The following BEND5 variants were observed in gnomAD, a reference collection of about 807,000 sequenced individuals.
BEND5 encodes the protein BEN domain containing 5, also known as BEN domain-containing protein 5.
Under a neutral mutation model 43.9 loss-of-function variants are expected in BEND5, and 22 were observed. The observed-to-expected ratio is 0.50, with a 90% CI of 0.36 to 0.72. BEND5 has a LOEUF of 0.72. Among genes scored for constraint, BEND5 ranks in the 30% least tolerant of loss-of-function variants. BEND5 has a pLI of 0.00. For synonymous variants in BEND5, 228 were observed against 225.9 expected, an observed-to-expected ratio of 1.01 and a Z score of -0.08; for missense variants, 428 against 550.6, an observed-to-expected ratio of 0.78 and a Z score of 2.23.
At chr1:48,749,880 T>G (rs941640897) in intron 3 of BEND5, among the ~76,000 whole-genome samples, 1 of 152,162 alleles carries the variant, frequency 6.6e-6, no homozygotes, top group African/African-American at 2.4e-5. Flanking sequence ...ATGTATTCAA[T>G]GCATGTAAAA....
At chr1:48,747,257 A>G (rs545203065) in intron 3 of BEND5, among the ~76,000 whole-genome samples, 1 of 152,312 alleles carries the variant, frequency 6.6e-6, no homozygotes, top group Non-Finnish European at 1.5e-5. Flanking sequence ...TTTTTAAAAA[A>G]GGGCTTTGAT....
intron 2 of BEND5, 28 bp downstream of exon 2, chr1:48,761,309 C>A: frequency 1.3e-6 from 2 of 1,538,280 alleles, no homozygotes; most frequent in Non-Finnish European, 1.8e-6. Context: ...CTCCAGCATA[C>A]CTCCAAAGAA....
chr1:48,751,657 T>C (rs1472549128), intron 3 of BEND5, among the ~76,000 whole-genome samples: 1 of 152,126 alleles, frequency 6.6e-6, no homozygotes, highest in Non-Finnish European at 1.5e-5. Flanking sequence ...AAAAAAAACA[T>C]AAGCTTGTCA....
intron 5 of BEND5, among the ~76,000 whole-genome samples, chr1:48,728,373 CT>C (rs11344354): frequency 0.036 from 5,170 of 145,292 alleles, 186 homozygotes; most frequent in East Asian, 0.15. Context: ...GAACTTTTGC[CT>C]TTTTTTTTTT....
intron 1 of BEND5, among the ~76,000 whole-genome samples, chr1:48,767,308 A>G (rs1644578729): frequency 2.0e-5 from 3 of 152,244 alleles, no homozygotes; most frequent in Admixed American, 6.5e-5. Flanking sequence ...CACCAAGCAC[A>G]GTGCCTTTCT....
At chr1:48,765,932 G>A (rs1644506332) in intron 1 of BEND5, among the ~76,000 whole-genome samples, 1 of 152,192 alleles carries the variant, frequency 6.6e-6, no homozygotes, top group South Asian at 2.1e-4. Context: ...AAGAGTGACT[G>A]CTCAATGGGT....
chr1:48,747,528 A>T (rs1650962569), intron 3 of BEND5, among the ~76,000 whole-genome samples: 1 of 152,230 alleles, frequency 6.6e-6, no homozygotes, highest in South Asian at 2.1e-4. Flanking sequence ...TTAACATGTG[A>T]AACACTATTA....
At chr1:48,771,528 G>A (rs2148694284) in intron 1 of BEND5, among the ~76,000 whole-genome samples, 1 of 152,264 alleles carries the variant, frequency 6.6e-6, no homozygotes, top group Admixed American at 6.5e-5. Flanking sequence ...ACCCTCAATG[G>A]TTAACATCCC....
At chr1:48,768,066 A>G (rs1345787453) in intron 1 of BEND5, among the ~76,000 whole-genome samples, 2 of 152,224 alleles carry the variant, frequency 1.3e-5, no homozygotes, top group African/African-American at 4.8e-5. Context: ...CAACATTTCA[A>G]ATCAAGTCTG....
intron 5 of BEND5, among the ~76,000 whole-genome samples, chr1:48,734,042 T>G (rs944189598): frequency 6.6e-6 from 1 of 152,330 alleles, no homozygotes; most frequent in Admixed American, 6.5e-5. Context: ...GTCGGTCACC[T>G]ACCAGGCAGG....
chr1:48,744,465 G>C (rs924808664), intron 3 of BEND5, among the ~76,000 whole-genome samples: 2 of 152,140 alleles, frequency 1.3e-5, no homozygotes, highest in Non-Finnish European at 2.9e-5. Context: ...CTGAGTTGGC[G>C]TGTGAAGTCT....
chr1:48,771,439 C>T (rs1300234793), intron 1 of BEND5, among the ~76,000 whole-genome samples: 1 of 152,210 alleles, frequency 6.6e-6, no homozygotes, highest in African/African-American at 2.4e-5. Context: ...TGAACCAGAA[C>T]TCTGAAGCAC....
chr1:48,733,088 C>T lies in BEND5; in HGVS notation c.1108+3151G>A, dbSNP rs114246389. ...AAATGGCAAAGGCATTACCAGGGAA[C>T]ACACACAGTGGGTGTAGCTCGTCTT... On this transcript the variant is annotated intron_variant, in intron 5 of 5. Transcript: ENST00000371833. Among the ~76,000 whole-genome samples the T allele has an allele frequency of 4.5e-3, 681 of 152,246 alleles. 8 individuals carry two copies. Among genetic ancestry groups the T allele is most frequent in the African/African-American group, 0.016 (655 of 41,540 alleles).
At chr1:48,763,073 A>G (rs1183323405) in intron 1 of BEND5, among the ~76,000 whole-genome samples, 3 of 149,976 alleles carry the variant, frequency 2.0e-5, no homozygotes, top group East Asian at 2.0e-4. Flanking sequence ...TCTTCTCTTA[A>G]GCATAAAGTG....
intron 5 of BEND5, among the ~76,000 whole-genome samples, chr1:48,732,007 T>G (rs538246981): frequency 2.6e-4 from 39 of 152,222 alleles, no homozygotes; most frequent in African/African-American, 9.1e-4. Context: ...TGTGGAGAGA[T>G]GCAGATGGTT....
intron 3 of BEND5, among the ~76,000 whole-genome samples, chr1:48,748,705 A>G (rs926070353): frequency 5.3e-5 from 8 of 152,010 alleles, no homozygotes; most frequent in African/African-American, 1.9e-4. Context: ...ATCTGCATGA[A>G]TTTGGGGAGG....
chr1:48,748,518 C>T (rs1032983000), intron 3 of BEND5, among the ~76,000 whole-genome samples: 3 of 152,166 alleles, frequency 2.0e-5, no homozygotes, highest in Admixed American at 2.0e-4. Context: ...GGAGGGGGTG[C>T]TGCCTCTGGA....
At chr1:48,751,561 T>C (rs1651734126) in intron 3 of BEND5, among the ~76,000 whole-genome samples, 1 of 152,240 alleles carries the variant, frequency 6.6e-6, no homozygotes, top group Non-Finnish European at 1.5e-5. Context: ...AAGTATTTAG[T>C]GTCTGGCCCA....
At chr1:48,743,178 C>T (rs1194958513) in intron 3 of BEND5, among the ~76,000 whole-genome samples, 5 of 152,074 alleles carry the variant, frequency 3.3e-5, no homozygotes, top group Admixed American at 2.0e-4. Context: ...TGGAGAAGGC[C>T]GTAACAGAAG....
Sources: allele counts gnomAD v4.1 joint callset (sites outside exome capture counted in the v4.1 genomes callset), GRCh38; gene constraint gnomAD v4.1.1; transcripts MANE v1.5; gene names NCBI Gene and HGNC (gene_info 2026-07-23, HGNC 2026-07-21).